EIF4G3: variants seen among roughly 807,000 people sequenced by gnomAD.
The protein encoded by EIF4G3 is eIF-4-gamma 3.
Under a neutral mutation model 186.4 loss-of-function variants are expected in EIF4G3, and 34 were observed. The ratio of observed to expected loss-of-function variants is 0.18; its 90% CI spans 0.14 to 0.24. The LOEUF is 0.24. Ranked by LOEUF, EIF4G3 falls within the 10% of genes least tolerant of loss-of-function variation. The probability of loss-of-function intolerance (pLI) is 1.00; values close to 1 mark genes in which losing one functional copy is unlikely to be tolerated. For missense variants in EIF4G3, 1,536 were observed against 1,948.5 expected (o/e 0.79, Z 3.99); for synonymous variants, 673 against 679.5 (o/e 0.99, Z 0.15).
At chr1:21,139,668 C>T (rs1235442109) in intron 2 of EIF4G3, among the ~76,000 whole-genome samples, 1 of 152,110 alleles carries the variant, frequency 6.6e-6, no homozygotes, top group Non-Finnish European at 1.5e-5. Flanking sequence ...ATATCTAAAA[C>T]TAAAGCTGCA....
chr1:20,932,138 C>T (rs2095339688), intron 14 of EIF4G3, among the ~76,000 whole-genome samples: 1 of 152,126 alleles, frequency 6.6e-6, no homozygotes, highest in Non-Finnish European at 1.5e-5. Context: ...GTTATGATGA[C>T]ATCTTTCCTC....
intron 4 of EIF4G3, among the ~76,000 whole-genome samples, chr1:21,044,986 TAGTC>T (rs2093798519): frequency 1.3e-5 from 2 of 152,064 alleles, no homozygotes; most frequent in African/African-American, 4.8e-5. Context: ...ATTAAAAAAT[TAGTC>T]AGCCATCATG....
chr1:21,148,704 T>C (rs1461671734), intron 2 of EIF4G3, among the ~76,000 whole-genome samples: 5 of 117,364 alleles, frequency 4.3e-5, no homozygotes, highest in Non-Finnish European at 9.3e-5. Flanking sequence ...TCTGTCTCAT[T>C]TAAAAAAAAA....
intron 7 of EIF4G3, chr1:20,988,197 G>A (rs757951034): frequency 6.0e-6 from 1 of 165,858 alleles, no homozygotes; most frequent in African/African-American, 2.4e-5. Context: ...TCCATAACAT[G>A]AAAGTGCAAG....
intron 4 of EIF4G3, among the ~76,000 whole-genome samples, chr1:21,031,991 C>T (rs1265516670): frequency 6.6e-6 from 1 of 152,054 alleles, no homozygotes; most frequent in Non-Finnish European, 1.5e-5. Context: ...TAAGAATGGA[C>T]CTCTAAAAGA....
rs1044251532 is a variant in EIF4G3, at chr1:20,853,632, A to C, written c.3479T>G (p.Leu1160Arg). ...SASSLNRFSALQPPAPSGSTP... is the reference protein window; with the variant it reads ...SASSLNRFSARQPPAPSGSTP... ...GGACCCTGAGGGTGCTGGAGGTTGC[A>C]GGGCAGAGAATCTGTTTAAACTGGA... Residue 1160 changes from leucine to arginine, a missense_variant, in exon 27 of 37, where the codon CTG (leucine) becomes CGG (arginine). By Grantham distance (102) the Leu-to-Arg change is moderately radical. Around this residue, in one of 11 missense-constraint regions of EIF4G3, gnomAD observed 395 missense variants for 498.9 expected, o/e 0.79. Coordinates refer to ENST00000602326, the MANE Select transcript of EIF4G3 (RefSeq NM_001391906.1). The C allele has an allele frequency of 6.2e-7, 1 of 1,614,076 alleles. No homozygotes were observed. Among genetic ancestry groups the C allele is most frequent in the Admixed American group, 1.7e-5 (1 of 60,022 alleles).
At chr1:20,962,313 A>G (rs2096586347) in intron 12 of EIF4G3, among the ~76,000 whole-genome samples, 1 of 152,194 alleles carries the variant, frequency 6.6e-6, no homozygotes, top group Admixed American at 6.6e-5. Context: ...TATGTTTTAT[A>G]TATTATATAC....
chr1:20,919,927 A>G (rs1416693156), intron 14 of EIF4G3, among the ~76,000 whole-genome samples: 1 of 143,744 alleles, frequency 7.0e-6, no homozygotes, highest in Non-Finnish European at 1.6e-5. Flanking sequence ...TTTTTTTTTA[A>G]GACGGAGTTT....
intron 4 of EIF4G3, among the ~76,000 whole-genome samples, chr1:21,043,664 G>A (rs1161753351): frequency 6.6e-6 from 1 of 152,126 alleles, no homozygotes; most frequent in East Asian, 1.9e-4. Flanking sequence ...GGCCAAGGCA[G>A]GTGGGTTGCT....
intron 3 of EIF4G3, chr1:21,073,697 G>T (rs139616475): frequency 6.0e-4 from 308 of 509,148 alleles, no homozygotes; most frequent in African/African-American, 5.5e-3. Flanking sequence ...TATTACCAAG[G>T]GCTCATGACA....
chr1:20,918,170 A>C (rs773268817), intron 14 of EIF4G3, among the ~76,000 whole-genome samples: 40 of 152,088 alleles, frequency 2.6e-4, no homozygotes, highest in Non-Finnish European at 5.3e-4. Context: ...AGTCTTCTAC[A>C]CCATCATGGC....
chr1:20,818,299 G>C (rs972982272), intron 33 of EIF4G3, among the ~76,000 whole-genome samples: 40 of 152,282 alleles, frequency 2.6e-4, no homozygotes, highest in Non-Finnish European at 5.3e-4. Context: ...ATAGGTGTGA[G>C]AAATGATGCT....
rs1230266054 is a variant in EIF4G3 at position 20,807,193 on chromosome 1, C to T, written c.*126G>A. ...CACCTTTTTTTCTCTTTCCCCTCTC[C>T]CACTCGTGCACACGTGGGGGTTTCT... On this transcript the variant is annotated 3_prime_UTR_variant, in exon 37 of 37. Transcript: ENST00000602326. 1.4e-6 allele frequency: 1 copy of T among 738,216 alleles called. No individual in the cohort carries two copies. The highest frequency in any genetic ancestry group is 1.8e-5 in the African/African-American group (1 of 56,216). The allele number at this position is 738,216 out of a possible 1,614,324, so 45.7% of individuals were successfully genotyped here.
intron 25 of EIF4G3, among the ~76,000 whole-genome samples, chr1:20,855,321 CTGTT>C (rs1252253005): frequency 2.0e-5 from 3 of 152,142 alleles, no homozygotes; most frequent in Non-Finnish European, 4.4e-5. Context: ...CCAGGTCCTC[CTGTT>C]TAAGATGGTT....
intron 14 of EIF4G3, among the ~76,000 whole-genome samples, chr1:20,916,407 A>G (rs919715303): frequency 6.6e-6 from 1 of 151,794 alleles, no homozygotes; most frequent in African/African-American, 2.4e-5. Flanking sequence ...AGATCGTGCC[A>G]TTGCACTCCA....
intron 7 of EIF4G3, among the ~76,000 whole-genome samples, chr1:20,990,861 G>A (rs1011316165): frequency 1.3e-5 from 2 of 152,084 alleles, no homozygotes; most frequent in African/African-American, 4.8e-5. Context: ...CAATATCTCC[G>A]AGGCATGCCT....
chr1:20,859,669 G>A (rs1325568987), intron 24 of EIF4G3, among the ~76,000 whole-genome samples: 1 of 152,144 alleles, frequency 6.6e-6, no homozygotes. Context: ...GCGCGATCGC[G>A]GCTCACCGCA....
intron 11 of EIF4G3, among the ~76,000 whole-genome samples, chr1:20,972,013 T>A (rs1446215554): frequency 6.6e-6 from 1 of 152,184 alleles, no homozygotes; most frequent in East Asian, 1.9e-4. Context: ...CTCGTGTGAA[T>A]GTGGGAGTCT....
chr1:20,941,249 T>G, intron 14 of EIF4G3: 1 of 1,541,998 alleles, frequency 6.5e-7, no homozygotes, highest in Non-Finnish European at 8.7e-7. Context: ...ACATGTTTCG[T>G]GACATATACC....
Sources: gnomAD v4.1 joint callset for allele counts (sites outside exome capture counted in the v4.1 genomes callset) on GRCh38, gnomAD v4.1.1 for gene constraint, gnomAD v4.1.1 regional missense constraint, MANE v1.5 for transcripts, NCBI Gene and HGNC (gene_info 2026-07-23, HGNC 2026-07-21) for gene names.